The following DYNC1H1 variants were observed in gnomAD, a reference collection of about 807,000 sequenced individuals.
DYNC1H1 encodes the protein cytoplasmic dynein 1 heavy chain 1.
DYNC1H1 carries 51 observed loss-of-function variants against 527.1 expected under a neutral mutation model. The observed-to-expected ratio is 0.10, with a 90% confidence interval of 0.08 to 0.12. DYNC1H1 has a LOEUF of 0.12. DYNC1H1 is among the 10% of genes least tolerant of loss of function. DYNC1H1 has a pLI of 1.00. For missense variants in DYNC1H1, 2,771 were observed against 5,971.8 expected (o/e 0.46, Z 17.66); for synonymous variants, 2,189 against 2,278.8 (o/e 0.96, Z 1.12).
chr14:102,048,099 T>C, intron 73 of DYNC1H1, 71 bp downstream of exon 73: 1 of 1,516,628 alleles, frequency 6.6e-7, no homozygotes, highest in Non-Finnish European at 8.9e-7. Flanking sequence ...GGACCATTGT[T>C]CCATGGACCA....
At position 101,980,477 on chromosome 14, in the gene DYNC1H1, A is replaced by G. The variant is rs753934353; in HGVS notation, c.888A>G (p.Glu296=). ...TCCAGGAGAAACGGGAGAGCCCGGA[A>G]GTTCTCCTGACTCTGGATATCTTGA... ...YRIQEKRESP[E]VLLTLDILKH... The change falls in exon 5 of 78, where the codon GAA becomes GAG. Residue 296 remains glutamate, a synonymous_variant. Transcript: ENST00000360184. The G allele has an allele frequency of 5.0e-6, 8 of 1,614,258 alleles. No individual in the cohort carries two copies. The highest frequency in any genetic ancestry group is 6.8e-6 in the Non-Finnish European group (8 of 1,180,054).
Position 102,050,888 on chromosome 14 carries a change from C to T in DYNC1H1, c.*325C>T. 1 of 381,854 alleles carries T rather than the reference C, an allele frequency of 2.6e-6. No homozygotes were observed. Among genetic ancestry groups the T allele is most frequent in the South Asian group, 2.2e-5 (1 of 45,550 alleles). The allele number at this position is 381,854 out of a possible 1,614,324, so 23.7% of individuals were successfully genotyped here. A position where few individuals can be genotyped will look rare whatever the true frequency, so the allele number is the denominator to read the frequency against. On this transcript the variant is annotated 3_prime_UTR_variant, in exon 78 of 78. Coordinates refer to ENST00000360184, the MANE Select transcript of DYNC1H1 (RefSeq NM_001376.5). ...AGGGCAGCCCACGGCAGCCATGCCC[C>T]TCCCCACCTCGCTTTCATCATGAGC...
chr14:102,007,350 C>A (rs1299673975), intron 28 of DYNC1H1, among the ~76,000 whole-genome samples: 2 of 152,136 alleles, frequency 1.3e-5, no homozygotes, highest in African/African-American at 4.8e-5. Flanking sequence ...TAATATTTTT[C>A]TAAAATGTCA....
At chr14:102,022,671 G>C in intron 42 of DYNC1H1, 80 bp from the exon 43 acceptor site, 1 of 1,603,256 alleles carries the variant, frequency 6.2e-7, no homozygotes, top group Non-Finnish European at 8.5e-7. Context: ...AGAGCCCACA[G>C]CACCCACAAA....
In DYNC1H1 at chr14:102,047,899, G is replaced by A; in HGVS notation, c.13089G>A (p.Lys4363=). 3 of 1,613,730 alleles carry A rather than the reference G, an allele frequency of 1.9e-6. No homozygotes were observed. Among genetic ancestry groups the A allele is most frequent in the Non-Finnish European group, 2.5e-6 (3 of 1,179,988 alleles). Residue 4363 remains lysine (K), a synonymous_variant, in exon 73 of 78, where the codon AAG becomes AAA. Transcript: ENST00000360184. Reference sequence around the variant, plus strand: ...TGGCCTACGCAGAGACTGAGAAGAAGACGAGGACAGACTCCACGTCCGACG... The same window carrying A: ...TGGCCTACGCAGAGACTGAGAAGAAAACGAGGACAGACTCCACGTCCGACG... ...DDLAYAETEK[K]TRTDSTSDGR...
At chr14:102,009,786 G>C (rs2048237950) in intron 29 of DYNC1H1, 57 bp from the exon 30 acceptor site, 17 of 1,598,106 alleles carry the variant, frequency 1.1e-5, no homozygotes, top group Admixed American at 6.7e-5. Context: ...ATTTTAGAAT[G>C]CATTTTGTTT....
rs920329109 is a variant in DYNC1H1, at chr14:102,016,257, G to C, written c.7474-92G>C. 3.7e-5 allele frequency: 58 copies of C among 1,555,036 alleles called. No homozygotes were observed. The highest frequency in any genetic ancestry group is 4.9e-5 in the Non-Finnish European group (56 of 1,141,700). On this transcript the variant is annotated intron_variant, in intron 36 of 77. Coordinates refer to ENST00000360184, the MANE Select transcript of DYNC1H1 (RefSeq NM_001376.5). This position sits in a 1 kb window ranked among gnomAD's most constrained non-coding sequence, Gnocchi z 7.3. ...GGTGTCTGTGATGCAAGAAGACTGG[G>C]AACCACTGTCTTTAGGTTAACTTTG...
chr14:102,009,684 G>C lies in DYNC1H1; in HGVS notation c.5978-159G>C, dbSNP rs532225089. On this transcript the variant is annotated intron_variant, in intron 29 of 77. Coordinates refer to ENST00000360184, the MANE Select transcript of DYNC1H1 (RefSeq NM_001376.5). ...CCTGGGCTGGGAGAATGTGGCTGGT[G>C]GTCCCCGAAGAAAGGCCAAAGAGCA... The C allele has an allele frequency of 9.8e-5, 108 of 1,100,548 alleles. No homozygotes were observed. In the South Asian group the frequency reaches 1.6e-3, roughly 16 times the overall value. 68.2% of individuals were successfully genotyped at this position (1,100,548 alleles called of 1,614,324 possible).
At position 102,027,066 on chromosome 14, in the gene DYNC1H1, C is replaced by T. The variant is rs1413871258; in HGVS notation, c.8772-108C>T. The T allele has an allele frequency of 7.9e-7, 1 of 1,267,554 alleles. No homozygotes were observed. The highest frequency in any genetic ancestry group is 1.2e-6 in the Non-Finnish European group (1 of 867,318). The allele number at this position is 1,267,554 out of a possible 1,614,324, so 78.5% of individuals were successfully genotyped here. Reference sequence around the variant, plus strand: ...AGTTGCTCAGCAAATGTTTAATATACAAGTTCAAGTTAAAACATGTCCAAA... The same window carrying T: ...AGTTGCTCAGCAAATGTTTAATATATAAGTTCAAGTTAAAACATGTCCAAA... On this transcript the variant is annotated intron_variant, in intron 44 of 77. Transcript: ENST00000360184. This position sits in a 1 kb window ranked among gnomAD's most constrained non-coding sequence, Gnocchi z 7.7.
In DYNC1H1 at chr14:101,994,175, G is replaced by C. The variant is rs2048029613; in HGVS notation, c.3016-9G>C. 1 of 1,614,160 alleles carries C rather than the reference G, an allele frequency of 6.2e-7. No individual in the cohort carries two copies. The highest frequency in any genetic ancestry group is 8.5e-7 in the Non-Finnish European group (1 of 1,180,034). Reference sequence around the variant, plus strand: ...ACTGCTTGCATTCATTTCGGCTTTGGTTGGCTAGGTGGGTGTACATTACGA... The same window carrying C: ...ACTGCTTGCATTCATTTCGGCTTTGCTTGGCTAGGTGGGTGTACATTACGA... On this transcript the variant is annotated splice_polypyrimidine_tract_variant and intron_variant, in intron 11 of 77. Transcript: ENST00000360184.
At position 102,042,953 on chromosome 14, in the gene DYNC1H1, G is replaced by T; in HGVS notation, c.12513+205G>T. ...GGTAATCCTAGCACTTTGGAAGGTC[G>T]AGGTGGGAGGATCACTTGAGCCCAG... On this transcript the variant is annotated intron_variant, in intron 69 of 77. Coordinates refer to ENST00000360184, the MANE Select transcript of DYNC1H1 (RefSeq NM_001376.5). This position sits in a 1 kb window ranked among gnomAD's most constrained non-coding sequence, Gnocchi z 5.7. 1 of 627,236 alleles carries T rather than the reference G, an allele frequency of 1.6e-6. No individual in the cohort carries two copies. The highest frequency in any genetic ancestry group is 2.9e-6 in the Non-Finnish European group (1 of 348,738). 38.9% of individuals were successfully genotyped at this position (627,236 alleles called of 1,614,324 possible). A position where few individuals can be genotyped will look rare whatever the true frequency, so the allele number is the denominator to read the frequency against.
intron 69 of DYNC1H1, chr14:102,043,238 C>T (rs2048674093): frequency 4.4e-6 from 1 of 224,904 alleles, no homozygotes; most frequent in Admixed American, 5.4e-5. Context: ...GAGCTGAGAT[C>T]ACATCACTGC....
Position 101,985,655 on chromosome 14 carries a change from G to A in DYNC1H1, c.1462-32G>A, listed in dbSNP as rs757539730. The stretch of plus-strand genomic sequence containing the variant: ...AAATTTTAAAGCCTTCGTTTGGTCA[G>A]CATTTCTTGATTACATATCTTTCTC... On this transcript the variant is annotated intron_variant, in intron 7 of 77. Coordinates refer to ENST00000360184, the MANE Select transcript of DYNC1H1 (RefSeq NM_001376.5). This position sits in a 1 kb window ranked among gnomAD's most constrained non-coding sequence, Gnocchi z 5.9. 2 of 1,612,198 alleles carry A rather than the reference G, an allele frequency of 1.2e-6. No individual in the cohort carries two copies. Among genetic ancestry groups the A allele is most frequent in the East Asian group, 2.2e-5 (1 of 44,866 alleles).
chr14:102,050,211 T>G lies in DYNC1H1; in HGVS notation c.13812+13T>G. 1 of 1,613,714 alleles carries G rather than the reference T, an allele frequency of 6.2e-7. No individual in the cohort carries two copies. The highest frequency in any genetic ancestry group is 8.5e-7 in the Non-Finnish European group (1 of 1,179,984). ...GAAGGCCAGTGTGGTAAGGAGGCAC[T>G]GCCTTTCCCAGGCATTCTGCAGGGA... On this transcript the variant is annotated intron_variant, in intron 77 of 77. Transcript: ENST00000360184.
chr14:102,028,061 TATG>T lies in DYNC1H1; in HGVS notation c.9391_9393del (p.Asp3131del), dbSNP rs2048470148. 3 of 1,614,080 alleles carry T rather than the reference TATG, an allele frequency of 1.9e-6. No individual in the cohort carries two copies. In the African/African-American group the frequency reaches 4.0e-5, roughly 22 times the overall value. ...CGTGCCTGATTACATGCCAGTTGTGTATGATAAGCTGCCGCAGCCACCATCCCA... is the reference window on the plus strand; with the variant it reads ...CGTGCCTGATTACATGCCAGTTGTGTATAAGCTGCCGCAGCCACCATCCCA... On this transcript the variant is annotated inframe_deletion, in exon 48 of 78. Coordinates refer to ENST00000360184, the MANE Select transcript of DYNC1H1 (RefSeq NM_001376.5).
At position 102,027,896 on chromosome 14, in the gene DYNC1H1, T is replaced by C. The variant is rs764842258; in HGVS notation, c.9264-41T>C. 1 of 1,614,226 alleles carries C rather than the reference T, an allele frequency of 6.2e-7. No individual in the cohort carries two copies. On this transcript the variant is annotated intron_variant, in intron 47 of 77. Coordinates refer to ENST00000360184, the MANE Select transcript of DYNC1H1 (RefSeq NM_001376.5). The surrounding 1 kb of genome is among the most constrained non-coding windows in gnomAD (Gnocchi z 7.7). ...CGGTGTCCTTCCAAGGGACAAAGCC[T>C]GCCCCTCATAGCTGTCCTGAAACAT...
At position 101,983,513 on chromosome 14, in the gene DYNC1H1, C is replaced by T; in HGVS notation, c.1365C>T (p.Ala455=). 6.2e-7 allele frequency: 1 copy of T among 1,614,106 alleles called. No homozygotes were observed. The highest frequency in any genetic ancestry group is 8.5e-7 in the Non-Finnish European group (1 of 1,180,030). Reference sequence around the variant, plus strand: ...AGATGGTGTGGCGTATCAACCCTGCCCACAGGAAGCTGCAGGCCCGCCTTG... The same window carrying T: ...AGATGGTGTGGCGTATCAACCCTGCTCACAGGAAGCTGCAGGCCCGCCTTG... ...NLKMVWRINP[A]HRKLQARLDQ... is the part of the protein sequence containing the mutation. Residue 455 remains alanine, a synonymous_variant, in exon 7 of 78, where the codon GCC becomes GCT. Coordinates refer to ENST00000360184, the MANE Select transcript of DYNC1H1 (RefSeq NM_001376.5). The surrounding 1 kb of genome is among the most constrained non-coding windows in gnomAD (Gnocchi z 5.3).
Position 102,005,657 on chromosome 14 carries a change from C to G in DYNC1H1, c.5434-231C>G, listed in dbSNP as rs191189802. 6.6e-6 allele frequency among the ~76,000 whole-genome samples: 1 copy of G among 152,320 alleles called. No individual in the cohort carries two copies. The highest frequency in any genetic ancestry group is 2.4e-5 in the African/African-American group (1 of 41,580). On this transcript the variant is annotated intron_variant, in intron 26 of 77. Transcript: ENST00000360184. This position sits in a 1 kb window ranked among gnomAD's most constrained non-coding sequence, Gnocchi z 4.0. Reference sequence around the variant, plus strand: ...TTGCAGAATTTTAAAATATTTAAAGCCAGGTGTTTCTGTTTCTTTGTTTTT... The same window carrying G: ...TTGCAGAATTTTAAAATATTTAAAGGCAGGTGTTTCTGTTTCTTTGTTTTT...
In DYNC1H1 at chr14:102,041,663, A is replaced by G. The variant is rs753650013; in HGVS notation, c.12031A>G (p.Thr4011Ala). Residue 4011 changes from threonine (T) to alanine (A), a missense_variant, in exon 65 of 78, where the codon ACA becomes GCA. Transcript: ENST00000360184. This position sits in a 1 kb window ranked among gnomAD's most constrained non-coding sequence, Gnocchi z 4.5. ...LLAMAHMFVS[T>A]NLGESFMSIM... ...GGCCATGGCCCACATGTTTGTTTCAACAAACCTTGGGGAGTCTTTCATGTC... is the reference window on the plus strand; with the variant it reads ...GGCCATGGCCCACATGTTTGTTTCAGCAAACCTTGGGGAGTCTTTCATGTC... 85 of 1,614,042 alleles carry G rather than the reference A, an allele frequency of 5.3e-5. 1 individual carries two copies. The highest frequency in any genetic ancestry group is 6.4e-5 in the Non-Finnish European group (75 of 1,180,052).
Sources: allele counts gnomAD v4.1 joint callset (sites outside exome capture counted in the v4.1 genomes callset), GRCh38; gene constraint gnomAD v4.1.1; non-coding constraint Gnocchi (gnomAD v3.1); transcripts MANE v1.5; gene names NCBI Gene and HGNC (gene_info 2026-07-23, HGNC 2026-07-21).